The following MKLN1 variants were observed in gnomAD, a reference collection of about 807,000 sequenced individuals.
MKLN1 encodes muskelin.
Under a neutral mutation model 99.0 loss-of-function variants are expected in MKLN1, and 18 were observed. The ratio of observed to expected loss-of-function variants is 0.18; its 90% CI spans 0.13 to 0.27. The LOEUF is 0.27. MKLN1 is among the 10% of genes least tolerant of loss of function. The pLI is 1.00. For missense variants in MKLN1, 621 were observed against 875.9 expected (o/e 0.71, Z 3.67); for synonymous variants, 288 against 293.2 (o/e 0.98, Z 0.18).
chr7:131,400,518 A>AAATATATATATATATATAT (rs527702723), intron 6 of MKLN1, among the ~76,000 whole-genome samples: 14 of 137,428 alleles, frequency 1.0e-4, no homozygotes, highest in African/African-American at 3.4e-4. Flanking sequence ...ATAAAAAAAA[A>AAATATATATATATATATAT]ATATATATAT....
chr7:131,426,802 T>C (rs1440168565), intron 8 of MKLN1, among the ~76,000 whole-genome samples: 1 of 152,086 alleles, frequency 6.6e-6, no homozygotes, highest in East Asian at 1.9e-4. Flanking sequence ...TTGCCCAGGC[T>C]GGAGTGCAGT....
chr7:131,113,947 G>A (rs889181283), intron 1 of MKLN1, among the ~76,000 whole-genome samples: 28 of 152,212 alleles, frequency 1.8e-4, no homozygotes, highest in African/African-American at 6.3e-4. Flanking sequence ...ACAGCATGGA[G>A]GGAACTGCCC....
At chr7:131,181,936 A>G (rs1282743077) in intron 2 of MKLN1, among the ~76,000 whole-genome samples, 1 of 152,192 alleles carries the variant, frequency 6.6e-6, no homozygotes, top group Non-Finnish European at 1.5e-5. Flanking sequence ...CTAAGATTAC[A>G]GGCGTGAGCC....
chr7:131,351,657 T>C (rs974114059), intron 1 of MKLN1, among the ~76,000 whole-genome samples: 3 of 151,866 alleles, frequency 2.0e-5, no homozygotes, highest in Non-Finnish European at 4.4e-5. Context: ...AGAGTCAAGG[T>C]CTCATTGTGT....
intron 2 of MKLN1, among the ~76,000 whole-genome samples, chr7:131,163,232 C>A (rs966069576): frequency 3.3e-5 from 5 of 152,188 alleles, no homozygotes; most frequent in African/African-American, 1.2e-4. Flanking sequence ...TTCATATCTT[C>A]ATTGTAGAGC....
chr7:131,248,692 G>A (rs572679699), intron 3 of MKLN1, among the ~76,000 whole-genome samples: 8 of 152,222 alleles, frequency 5.3e-5, no homozygotes, highest in South Asian at 4.2e-4. Flanking sequence ...CAGGTTCACC[G>A]TGAAAAGTTG....
At chr7:131,374,000 G>A (rs1793555136) in intron 1 of MKLN1, among the ~76,000 whole-genome samples, 1 of 152,110 alleles carries the variant, frequency 6.6e-6, no homozygotes, top group South Asian at 2.1e-4. Context: ...ATGTTTTCCT[G>A]CTGGTTAGGC....
intron 1 of MKLN1, among the ~76,000 whole-genome samples, chr7:131,337,661 A>G (rs954118681): frequency 1.3e-5 from 2 of 151,686 alleles, no homozygotes; most frequent in African/African-American, 4.8e-5. Context: ...TATCTGTATC[A>G]CCTATAGGCC....
intron 6 of MKLN1, among the ~76,000 whole-genome samples, chr7:131,404,836 A>C (rs1424514625): frequency 6.6e-6 from 1 of 151,970 alleles, no homozygotes; most frequent in Non-Finnish European, 1.5e-5. Flanking sequence ...GGCTCAAGTG[A>C]TCCACCTGCC....
intron 12 of MKLN1, among the ~76,000 whole-genome samples, chr7:131,458,571 G>C (rs1796417653): frequency 6.6e-6 from 1 of 152,136 alleles, no homozygotes; most frequent in African/African-American, 2.4e-5. Context: ...AGGCTCAAGA[G>C]TTAATGGATC....
chr7:131,113,169 G>C (rs142131989), intron 1 of MKLN1, among the ~76,000 whole-genome samples: 2 of 152,186 alleles, frequency 1.3e-5, no homozygotes, highest in Non-Finnish European at 1.5e-5. Flanking sequence ...CCCTGACCAC[G>C]CATAGGGTCT....
intron 3 of MKLN1, among the ~76,000 whole-genome samples, chr7:131,287,704 A>G (rs1798153685): frequency 6.6e-6 from 1 of 151,960 alleles, no homozygotes. Context: ...TAGCCCTGAT[A>G]TGGTTAGGCT....
chr7:131,327,802 CCGGGGAGGG>C (rs1798926561), upstream of MKLN1: 1 of 1,468,300 alleles, frequency 6.8e-7, no homozygotes, highest in African/African-American at 1.4e-5. Context: ...GCGCGGGCGG[CCGGGGAGGG>C]CGGCGGCCCC....
At chr7:131,194,343 C>T (rs1796612017) in intron 2 of MKLN1, among the ~76,000 whole-genome samples, 1 of 152,118 alleles carries the variant, frequency 6.6e-6, no homozygotes, top group Non-Finnish European at 1.5e-5. Context: ...TGTGTATTTA[C>T]CTGTTCAGGG....
At chr7:131,342,360 T>C (rs1287135417) in intron 1 of MKLN1, among the ~76,000 whole-genome samples, 1 of 152,216 alleles carries the variant, frequency 6.6e-6, no homozygotes, top group Non-Finnish European at 1.5e-5. Context: ...GCTCCCTGCC[T>C]TCATATTTGA....
Position 131,276,399 on chromosome 7 carries a change from A to T in MKLN1, c.-179+73425A>T, listed in dbSNP as rs368044576. Among the ~76,000 whole-genome samples, 6 of 152,322 alleles carry T rather than the reference A, an allele frequency of 3.9e-5. No homozygotes were observed. The East Asian group carries it at 7.7e-4, about 20-fold the overall frequency. On this transcript the variant is annotated intron_variant, in intron 3 of 7. Coordinates refer to the MKLN1 transcript ENST00000416992. ...TCTGAAGGGAGGTCAAAGTTCAGAG[A>T]TCTGTTCTAGATGGGAAAGCACAGC...
rs185303504 is a variant in MKLN1, at chr7:131,242,237, C to T, written c.-179+39263C>T. Among the ~76,000 whole-genome samples the T allele has an allele frequency of 3.5e-4, 53 of 152,210 alleles. 1 individual carries two copies. Among genetic ancestry groups the T allele is most frequent in the African/African-American group, 1.2e-3 (48 of 41,506 alleles). ...TTTGGAGGAAAGTATTTTCCATCTC[C>T]GTGAAAGTTCACAGCTGGCTAGGTA... On this transcript the variant is annotated intron_variant, in intron 3 of 7. Coordinates refer to the MKLN1 transcript ENST00000416992.
At chr7:131,285,234 T>C (rs59351397) in intron 3 of MKLN1, 17,856 of 152,334 alleles carry the variant, frequency 0.12, 1,104 homozygotes, top group African/African-American at 0.16. Flanking sequence ...AGCTGGGCGG[T>C]GCCCTAGGCA....
At chr7:131,174,219 G>T (rs963554044) in intron 2 of MKLN1, among the ~76,000 whole-genome samples, 1 of 152,044 alleles carries the variant, frequency 6.6e-6, no homozygotes, top group East Asian at 1.9e-4. Flanking sequence ...TGATCTGACC[G>T]CCTCGGCCTC....
Sources: gnomAD v4.1 joint callset for allele counts (sites outside exome capture counted in the v4.1 genomes callset) on GRCh38, gnomAD v4.1.1 for gene constraint, MANE v1.5 for transcripts, NCBI Gene and HGNC (gene_info 2026-07-23, HGNC 2026-07-21) for gene names.